SLC16A1: variants seen among roughly 807,000 people sequenced by gnomAD.
SLC16A1 encodes solute carrier family 16 member 1, also known as monocarboxylate transporter 1.
Under a neutral mutation model 32.2 loss-of-function variants are expected in SLC16A1, and 11 were observed. That is an observed-to-expected ratio of 0.34 (90% CI 0.21 to 0.56). The LOEUF (loss-of-function observed/expected upper bound fraction) is 0.56. Among genes scored for constraint, SLC16A1 ranks in the 20% least tolerant of loss-of-function variants. SLC16A1 has a pLI of 0.87. For synonymous variants in SLC16A1, 231 were observed against 226.8 expected, an observed-to-expected ratio of 1.02 and a Z score of -0.17; for missense variants, 435 against 615.0, an observed-to-expected ratio of 0.71 and a Z score of 3.10.
intron 1 of SLC16A1, among the ~76,000 whole-genome samples, chr1:112,939,085 G>A (rs1011022196): frequency 9.2e-5 from 14 of 151,554 alleles, no homozygotes; most frequent in Non-Finnish European, 1.8e-4. Flanking sequence ...GTAGAGACAG[G>A]TTTTACCATG....
Position 112,917,267 on chromosome 1 carries a change from T to C in SLC16A1, c.1139A>G (p.Asp380Gly). The change falls in exon 4 of 5, where the codon GAC becomes GGC. Residue 380 changes from aspartate to glycine, a missense_variant. Asp to Gly is a moderately conservative substitution (Grantham distance 94, BLOSUM62 -1). Transcript: ENST00000369626. This position sits in a 1 kb window ranked among gnomAD's most constrained non-coding sequence, Gnocchi z 4.1. ...GGAGAACCTCTGGGGTCCAACAAGG[T>C]CCATCAATGTTTCAAACAATACGGA... ...LSSVLFETLM[D>G]LVGPQRFSSA... The C allele has an allele frequency of 6.2e-7, 1 of 1,614,020 alleles. No homozygotes were observed. Among genetic ancestry groups the C allele is most frequent in the Non-Finnish European group, 8.5e-7 (1 of 1,180,000 alleles).
intron 1 of SLC16A1, 30 bp from the exon 2 acceptor site, chr1:112,929,382 C>G: frequency 8.4e-7 from 1 of 1,190,900 alleles, no homozygotes. Flanking sequence ...AATAGTATGT[C>G]AATATAAGGC....
At chr1:112,922,821 CTGTTT>C (rs549039885) in intron 2 of SLC16A1, among the ~76,000 whole-genome samples, 20 of 152,188 alleles carry the variant, frequency 1.3e-4, no homozygotes, top group African/African-American at 4.8e-4. Context: ...AAAGTATGTT[CTGTTT>C]TAAATTTCAG....
chr1:112,948,703 A>G (rs1345295605), intron 1 of SLC16A1, among the ~76,000 whole-genome samples: 1 of 151,874 alleles, frequency 6.6e-6, no homozygotes. Flanking sequence ...GGGTTTCATC[A>G]TGTTGGCCAG....
In SLC16A1 at chr1:112,946,926, T is replaced by C. The variant is rs561184001; in HGVS notation, c.-45+9109A>G. On this transcript the variant is annotated intron_variant, in intron 1 of 4. Transcript: ENST00000369626. ...TTACACCAGCAAATTTTGCCTTTTT[T>C]AATGCTTCATTTTTGCCTTCTTCTC... 5.3e-5 allele frequency among the ~76,000 whole-genome samples: 8 copies of C among 152,242 alleles called. No homozygotes were observed. In the South Asian group the frequency reaches 1.7e-3, roughly 32 times the overall value.
At chr1:112,939,137 C>A (rs530659387) in intron 1 of SLC16A1, among the ~76,000 whole-genome samples, 1 of 152,072 alleles carries the variant, frequency 6.6e-6, no homozygotes, top group African/African-American at 2.4e-5. Context: ...GTGATCCACC[C>A]GCCTCAGCCT....
chr1:112,925,332 A>C (rs1648902761), intron 2 of SLC16A1, among the ~76,000 whole-genome samples: 1 of 150,208 alleles, frequency 6.7e-6, no homozygotes, highest in Non-Finnish European at 1.5e-5. Flanking sequence ...ACCATGACTG[A>C]CCTATGTATC....
At chr1:112,935,949 T>TTA (rs1248514140) in intron 1 of SLC16A1, 1 of 152,246 alleles carries the variant, frequency 6.6e-6, no homozygotes, top group Non-Finnish European at 1.5e-5. Flanking sequence ...TGTTGTCATG[T>TTA]TATCATTCAT....
intron 1 of SLC16A1, among the ~76,000 whole-genome samples, chr1:112,946,953 C>T (rs1057490117): frequency 6.6e-6 from 1 of 152,182 alleles, no homozygotes; most frequent in Non-Finnish European, 1.5e-5. Flanking sequence ...CTTCTTCTCA[C>T]AGACTGAAAA....
intron 3 of SLC16A1, among the ~76,000 whole-genome samples, chr1:112,919,535 C>T (rs1198088516): frequency 6.6e-6 from 1 of 152,140 alleles, no homozygotes; most frequent in Non-Finnish European, 1.5e-5. Flanking sequence ...AGCAGTGTGG[C>T]CCTGTTTCAG....
At chr1:112,928,989 ACAT>A (rs1381475062) in intron 2 of SLC16A1, 100 bp downstream of exon 2, 6 of 827,748 alleles carry the variant, frequency 7.2e-6, no homozygotes, top group Non-Finnish European at 9.6e-6. Flanking sequence ...ACATTTCAAA[ACAT>A]CTCACTGAAT....
chr1:112,924,282 G>C (rs570169870), intron 2 of SLC16A1: 1 of 1,446,936 alleles, frequency 6.9e-7, no homozygotes, highest in Non-Finnish European at 9.7e-7. Flanking sequence ...GCCAGATGTT[G>C]TGGAGGCCTT....
intron 1 of SLC16A1, among the ~76,000 whole-genome samples, chr1:112,942,570 G>C (rs983178666): frequency 9.2e-5 from 14 of 152,198 alleles, no homozygotes; most frequent in Non-Finnish European, 1.6e-4. Context: ...CCAGCATTAA[G>C]AGCTACTTTT....
intron 4 of SLC16A1, among the ~76,000 whole-genome samples, chr1:112,916,642 T>C (rs1648521720): frequency 1.3e-5 from 2 of 151,438 alleles, no homozygotes; most frequent in African/African-American, 4.9e-5. Flanking sequence ...GAAAAAAACA[T>C]ATTTTAGGCC....
intron 2 of SLC16A1, among the ~76,000 whole-genome samples, chr1:112,927,317 C>T (rs1317867807): frequency 6.6e-6 from 1 of 150,920 alleles, no homozygotes; most frequent in East Asian, 1.9e-4. Context: ...AACAAATAAA[C>T]AAACCAAAAG....
At chr1:112,922,668 C>T (rs900983032) in intron 2 of SLC16A1, among the ~76,000 whole-genome samples, 3 of 151,784 alleles carry the variant, frequency 2.0e-5, no homozygotes, top group Admixed American at 6.6e-5. Context: ...CCAGCTACTC[C>T]GAAGGCTGAG....
chr1:112,937,183 G>T (rs1433170131), intron 1 of SLC16A1, among the ~76,000 whole-genome samples: 4 of 152,180 alleles, frequency 2.6e-5, no homozygotes, highest in Non-Finnish European at 5.9e-5. Flanking sequence ...CAGTAGGGCT[G>T]TTTAACACAT....
chr1:112,929,964 C>G (rs1167614986), intron 1 of SLC16A1, among the ~76,000 whole-genome samples: 1 of 152,210 alleles, frequency 6.6e-6, no homozygotes, highest in African/African-American at 2.4e-5. Flanking sequence ...GGCTCCTGTA[C>G]TTGGGGACCC....
chr1:112,926,332 T>G (rs1275796520), intron 2 of SLC16A1, among the ~76,000 whole-genome samples: 3 of 152,252 alleles, frequency 2.0e-5, no homozygotes, highest in Non-Finnish European at 4.4e-5. Flanking sequence ...GGCTCACGCC[T>G]GTAATCCCAG....
Sources: gnomAD v4.1 joint callset for allele counts (sites outside exome capture counted in the v4.1 genomes callset) on GRCh38, gnomAD v4.1.1 for gene constraint, Gnocchi (gnomAD v3.1) non-coding constraint, MANE v1.5 for transcripts, NCBI Gene and HGNC (gene_info 2026-07-23, HGNC 2026-07-21) for gene names.